GCH1: variants seen among roughly 807,000 people sequenced by gnomAD.
GCH1 encodes the protein GTP cyclohydrolase 1.
Under a neutral mutation model 25.9 loss-of-function variants are expected in GCH1, and 5 were observed. The ratio of observed to expected loss-of-function variants is 0.19; its 90% CI spans 0.10 to 0.41. The LOEUF (loss-of-function observed/expected upper bound fraction) is 0.41. Ranked by LOEUF, GCH1 falls within the 10% of genes least tolerant of loss-of-function variation. The pLI, the probability that GCH1 is intolerant of heterozygous loss-of-function variation, is 1.00. For missense variants in GCH1, 261 were observed against 336.5 expected (o/e 0.78, Z 1.75); for synonymous variants, 159 against 129.6 (o/e 1.23, Z -1.54).
intron 3 of GCH1, among the ~76,000 whole-genome samples, chr14:54,848,883 A>T (rs1455193780): frequency 6.6e-6 from 1 of 152,262 alleles, no homozygotes; most frequent in Non-Finnish European, 1.5e-5. Flanking sequence ...ATTTCTTACT[A>T]GGTCAAATTT....
intron 1 of GCH1, among the ~76,000 whole-genome samples, chr14:54,883,528 A>T (rs186890198): frequency 6.6e-6 from 1 of 151,948 alleles, no homozygotes; most frequent in Non-Finnish European, 1.5e-5. Context: ...AAATACAAAA[A>T]ATTAGCTGGG....
chr14:54,855,231 C>A (rs899047690), intron 3 of GCH1, among the ~76,000 whole-genome samples: 1 of 152,010 alleles, frequency 6.6e-6, no homozygotes, highest in East Asian at 1.9e-4. Context: ...CAGGGCCAGG[C>A]GCGGTGGCTC....
intron 1 of GCH1, among the ~76,000 whole-genome samples, chr14:54,877,339 C>A (rs2040176685): frequency 6.6e-6 from 1 of 152,196 alleles, no homozygotes; most frequent in Admixed American, 6.5e-5. Flanking sequence ...TACAACAACA[C>A]CACACAATGT....
At chr14:54,872,159 C>A (rs2040089166) in intron 1 of GCH1, among the ~76,000 whole-genome samples, 2 of 152,220 alleles carry the variant, frequency 1.3e-5, no homozygotes, top group Admixed American at 1.3e-4. Flanking sequence ...TCGGCAGAAA[C>A]TCTACAAGCC....
chr14:54,850,495 A>T (rs1226700710), intron 3 of GCH1, among the ~76,000 whole-genome samples: 43 of 149,740 alleles, frequency 2.9e-4, no homozygotes, highest in East Asian at 1.8e-3. Flanking sequence ...TTTTTTTTTT[A>T]ATTATTATTA....
chr14:54,864,225 T>C (rs147715200), intron 2 of GCH1, among the ~76,000 whole-genome samples: 1 of 152,310 alleles, frequency 6.6e-6, no homozygotes, highest in African/African-American at 2.4e-5. Flanking sequence ...TTTCTATCTA[T>C]ATATTATTTC....
At chr14:54,851,003 C>T (rs185781284) in intron 3 of GCH1, among the ~76,000 whole-genome samples, 1 of 152,158 alleles carries the variant, frequency 6.6e-6, no homozygotes, top group Admixed American at 6.5e-5. Context: ...GCTACAGTAA[C>T]CAAAACAGCA....
chr14:54,844,119 A>G lies in GCH1; in HGVS notation c.651T>C (p.Gly217=), dbSNP rs1443039760. ...EATHMCMVMR[G]VQKMNSKTVT... is the part of the protein sequence containing the mutation. The stretch of plus-strand genomic sequence containing the variant: ...CAGTTTTGCTGTTCATTTTCTGTAC[A>G]CCTCGCATTACCATACACATGTGTC... The change falls in exon 6 of 6, where the codon GGT becomes GGC. Residue 217 remains glycine, a synonymous_variant. Transcript: ENST00000491895. 1.8e-5 allele frequency: 29 copies of G among 1,612,796 alleles called. No homozygotes were observed. Among genetic ancestry groups the G allele is most frequent in the Non-Finnish European group, 2.2e-5 (26 of 1,178,924 alleles).
intron 1 of GCH1, among the ~76,000 whole-genome samples, chr14:54,899,848 AGT>A (rs751604864): frequency 2.0e-4 from 30 of 151,270 alleles, no homozygotes; most frequent in Non-Finnish European, 3.5e-4. Context: ...CTAATCTTGC[AGT>A]GTCTCTACAT....
chr14:54,856,019 T>C (rs1009094646), intron 3 of GCH1, among the ~76,000 whole-genome samples: 1 of 119,776 alleles, frequency 8.3e-6, no homozygotes, highest in Non-Finnish European at 1.6e-5. Context: ...GCTTTTATAG[T>C]CAAAAAAGAA....
chr14:54,860,492 T>C (rs918049741), intron 2 of GCH1, among the ~76,000 whole-genome samples: 20 of 151,524 alleles, frequency 1.3e-4, no homozygotes, highest in African/African-American at 4.8e-4. Flanking sequence ...CACCCTTTTG[T>C]GCTTGGCTTC....
At chr14:54,871,151 T>G (rs4402455) in intron 1 of GCH1, among the ~76,000 whole-genome samples, 31,590 of 152,072 alleles carry the variant, frequency 0.21, 4,482 homozygotes, top group East Asian at 0.41. Context: ...GAGACAAAAC[T>G]TCCAGAGGAA....
intron 1 of GCH1, among the ~76,000 whole-genome samples, chr14:54,866,130 C>G (rs1195149130): frequency 6.6e-6 from 1 of 151,466 alleles, no homozygotes; most frequent in East Asian, 1.9e-4. Context: ...AAAAAAAAAG[C>G]TTTATTTTTA....
Position 54,882,448 on chromosome 14 carries a change from C to A in GCH1, c.344-17012G>T, listed in dbSNP as rs372428329. Among the ~76,000 whole-genome samples, 6 of 152,246 alleles carry A rather than the reference C, an allele frequency of 3.9e-5. No individual in the cohort carries two copies. The East Asian group carries it at 5.8e-4, about 15-fold the overall frequency. On this transcript the variant is annotated intron_variant, in intron 1 of 5. Transcript: ENST00000491895. ...TCGCCTTTCTGGTCTCAGTTTACTA[C>A]TCTGAATATTTCTGGTAGACCAAAA...
chr14:54,881,786 C>G (rs1009688046), intron 1 of GCH1, among the ~76,000 whole-genome samples: 6 of 152,178 alleles, frequency 3.9e-5, no homozygotes, highest in African/African-American at 1.4e-4. Context: ...AATTTTCACT[C>G]CATCTTTGGC....
rs531518771 is a variant in GCH1 at position 54,844,495 on chromosome 14, C to T, written c.627-352G>A. ...ATAAAAGGTCTACAGAGTTACTTAA[C>T]TTCTAGATCAAAAGAAAGTCAGAAT... On this transcript the variant is annotated intron_variant, in intron 5 of 5. Transcript: ENST00000491895. 5.3e-5 allele frequency among the ~76,000 whole-genome samples: 8 copies of T among 152,286 alleles called. No homozygotes were observed. The South Asian group carries it at 1.7e-3, about 32-fold the overall frequency.
In GCH1 at chr14:54,845,753, C is replaced by T; in HGVS notation, c.626+15G>A. Reference sequence around the variant, plus strand: ...TGCACCATTATGACGTTACTAAAGGCAGATGCAGACTTACGTTGCTTCAAC... The same window carrying T: ...TGCACCATTATGACGTTACTAAAGGTAGATGCAGACTTACGTTGCTTCAAC... On this transcript the variant is annotated intron_variant, in intron 5 of 5. Transcript: ENST00000491895. 2.1e-6 allele frequency: 3 copies of T among 1,417,438 alleles called. No homozygotes were observed. Among genetic ancestry groups the T allele is most frequent in the Non-Finnish European group, 3.0e-6 (3 of 1,000,238 alleles). The allele number at this position is 1,417,438 out of a possible 1,614,324, so 87.8% of individuals were successfully genotyped here.
chr14:54,888,717 G>T (rs1050070076), intron 1 of GCH1, among the ~76,000 whole-genome samples: 12 of 150,306 alleles, frequency 8.0e-5, no homozygotes, highest in Non-Finnish European at 1.5e-5. Flanking sequence ...TAGAGACAGG[G>T]TTTCAGCGTG....
intron 1 of GCH1, among the ~76,000 whole-genome samples, chr14:54,879,470 TA>T (rs1205830001): frequency 8.8e-6 from 1 of 113,434 alleles, no homozygotes; most frequent in Non-Finnish European, 2.0e-5. Context: ...TTGTTGGTAA[TA>T]GCAAAAATAG....
Sources: allele counts gnomAD v4.1 joint callset (sites outside exome capture counted in the v4.1 genomes callset), GRCh38; gene constraint gnomAD v4.1.1; transcripts MANE v1.5; gene names NCBI Gene and HGNC (gene_info 2026-07-23, HGNC 2026-07-21).